NREP: variants seen among roughly 807,000 people sequenced by gnomAD.
NREP encodes the protein neuronal regeneration related protein.
NREP carries 5 observed loss-of-function variants against 8.6 expected under a neutral mutation model. The observed-to-expected ratio is 0.58, with a 90% CI of 0.30 to 1.22. The LOEUF is 1.22. Among genes scored for constraint, NREP ranks in the 50% most tolerant of loss-of-function variants. The pLI is 0.07. For missense variants in NREP, 86 were observed against 82.5 expected (o/e 1.04, Z -0.17); for synonymous variants, 27 against 28.0 (o/e 0.96, Z 0.11).
chr5:111,833,652 G>T (rs1752827115), intron 2 of NREP, among the ~76,000 whole-genome samples: 1 of 152,182 alleles, frequency 6.6e-6, no homozygotes, highest in African/African-American at 2.4e-5. Context: ...CCTATTGTTT[G>T]AAGTTCTGAT....
At chr5:111,897,135 G>C (rs1754530439) in intron 2 of NREP, among the ~76,000 whole-genome samples, 1 of 151,992 alleles carries the variant, frequency 6.6e-6, no homozygotes. Context: ...TGATTTTCAA[G>C]GCACTTTTCA....
intron 2 of NREP, among the ~76,000 whole-genome samples, chr5:111,911,107 T>A (rs1467106088): frequency 6.6e-6 from 1 of 152,012 alleles, no homozygotes; most frequent in East Asian, 1.9e-4. Context: ...CTGCACCCAG[T>A]GTTTTGGATA....
intron 2 of NREP, among the ~76,000 whole-genome samples, chr5:111,817,587 C>T (rs781430254): frequency 4.0e-5 from 6 of 151,894 alleles, no homozygotes; most frequent in Non-Finnish European, 7.4e-5. Context: ...GGGTGGATCA[C>T]GAGGTCAGGA....
chr5:111,794,942 G>A (rs1239092893), intron 2 of NREP, among the ~76,000 whole-genome samples: 1 of 148,284 alleles, frequency 6.7e-6, no homozygotes, highest in Non-Finnish European at 1.5e-5. Flanking sequence ...CAGGGGATAT[G>A]TGAAAAATCC....
chr5:111,883,016 A>G (rs984948939), intron 2 of NREP, among the ~76,000 whole-genome samples: 1 of 152,270 alleles, frequency 6.6e-6, no homozygotes, highest in Non-Finnish European at 1.5e-5. Context: ...GCTCCAATTA[A>G]AAGACACAGA....
chr5:111,812,357 G>A (rs1234785928), intron 2 of NREP, among the ~76,000 whole-genome samples: 3 of 152,142 alleles, frequency 2.0e-5, no homozygotes, highest in Non-Finnish European at 4.4e-5. Context: ...CTGTGGCTTA[G>A]TTTAACATTT....
intron 2 of NREP, among the ~76,000 whole-genome samples, chr5:111,794,113 C>T (rs182114032): frequency 9.1e-4 from 139 of 152,260 alleles, no homozygotes; most frequent in African/African-American, 3.2e-3. Flanking sequence ...GAATTTAAAA[C>T]AATGAGATAC....
At chr5:111,973,978 C>T (rs951028593) in intron 2 of NREP, among the ~76,000 whole-genome samples, 1 of 152,200 alleles carries the variant, frequency 6.6e-6, no homozygotes, top group Non-Finnish European at 1.5e-5. Flanking sequence ...TACACATACA[C>T]ACTCTATTTC....
intron 2 of NREP, among the ~76,000 whole-genome samples, chr5:111,784,436 C>T (rs980426785): frequency 1.3e-5 from 2 of 151,860 alleles, no homozygotes; most frequent in African/African-American, 4.9e-5. Flanking sequence ...GAAAAAGAAG[C>T]AATATTTATT....
At chr5:111,915,390 C>A (rs1025669274) in intron 2 of NREP, among the ~76,000 whole-genome samples, 2 of 152,112 alleles carry the variant, frequency 1.3e-5, no homozygotes, top group South Asian at 2.1e-4. Context: ...GAGTTAACCT[C>A]TAGGGAACCT....
chr5:111,734,571 G>A, intron 3 of NREP: 1 of 436,620 alleles, frequency 2.3e-6, no homozygotes. Context: ...TTCAGTTTCT[G>A]CCTGCCAGTA....
intron 2 of NREP, among the ~76,000 whole-genome samples, chr5:111,907,850 GA>G (rs1478597190): frequency 8.6e-5 from 13 of 151,872 alleles, no homozygotes; most frequent in African/African-American, 3.1e-4. Flanking sequence ...GGCTTCCATG[GA>G]ATTCTTTGCT....
At chr5:111,821,757 T>C (rs1259337446) in intron 2 of NREP, among the ~76,000 whole-genome samples, 4 of 152,188 alleles carry the variant, frequency 2.6e-5, no homozygotes, top group Non-Finnish European at 5.9e-5. Context: ...TTCAGCATCA[T>C]TGTCCTTGCT....
intron 2 of NREP, among the ~76,000 whole-genome samples, chr5:111,815,054 G>C (rs1752354730): frequency 6.6e-6 from 1 of 151,844 alleles, no homozygotes; most frequent in Admixed American, 6.6e-5. Context: ...ATCCAACAAT[G>C]AGCCGACATT....
chr5:111,973,021 T>G (rs1046348432), intron 2 of NREP, among the ~76,000 whole-genome samples: 1 of 152,224 alleles, frequency 6.6e-6, no homozygotes, highest in South Asian at 2.1e-4. Context: ...CTGCACCAGG[T>G]TGTGCACCCA....
rs1266602610 is a variant in NREP, at chr5:111,752,575, TGAAA to T, written c.3+3191_3+3194del. ...AACCTTATGTTAATGGAGAGATTAT[TGAAA>T]GAGTCTTCTTGTAAGCCCATGAATG... On this transcript the variant is annotated intron_variant, in intron 2 of 3. Coordinates refer to ENST00000257435, the MANE Select transcript of NREP (RefSeq NM_004772.4). Among the ~76,000 whole-genome samples, 3 of 152,210 alleles carry T rather than the reference TGAAA, an allele frequency of 2.0e-5. No homozygotes were observed. In the South Asian group the frequency reaches 6.2e-4, roughly 32 times the overall value.
chr5:111,790,399 G>A (rs1751716005), intron 2 of NREP, among the ~76,000 whole-genome samples: 1 of 85,306 alleles, frequency 1.2e-5, no homozygotes, highest in South Asian at 3.9e-4. Flanking sequence ...TCTTGGTACT[G>A]CAATTCCTCT....
intron 2 of NREP, among the ~76,000 whole-genome samples, chr5:111,811,483 C>A (rs1752268323): frequency 6.6e-6 from 1 of 152,146 alleles, no homozygotes; most frequent in African/African-American, 2.4e-5. Flanking sequence ...CTATACCTTT[C>A]ATACACACAT....
chr5:111,777,706 C>T (rs1052401849), intron 2 of NREP, among the ~76,000 whole-genome samples: 4 of 151,952 alleles, frequency 2.6e-5, no homozygotes, highest in East Asian at 1.9e-4. Context: ...GAAAAAGCAA[C>T]GTTTTTGAGG....
Sources: allele counts gnomAD v4.1 joint callset (sites outside exome capture counted in the v4.1 genomes callset), GRCh38; gene constraint gnomAD v4.1.1; transcripts MANE v1.5; gene names NCBI Gene and HGNC (gene_info 2026-07-23, HGNC 2026-07-21).